SLC24A2: variants seen among roughly 807,000 people sequenced by gnomAD.
SLC24A2 encodes the protein sodium/potassium/calcium exchanger 2.
In SLC24A2, 36 loss-of-function variants were observed where a neutral mutation model predicts 62.0. The observed-to-expected ratio is 0.58, with a 90% CI of 0.44 to 0.77. The LOEUF is 0.77. SLC24A2 is among the 30% of genes least tolerant of loss of function. SLC24A2 has a pLI of 0.00. For synonymous variants in SLC24A2, 358 were observed against 294.0 expected (o/e 1.22, Z -2.23); for missense variants, 846 against 817.9 (o/e 1.03, Z -0.42).
the SLC24A2 span, among the ~76,000 whole-genome samples, chr9:19,802,949 C>A: frequency 6.6e-6 from 1 of 152,046 alleles, no homozygotes; most frequent in Non-Finnish European, 1.5e-5. Context: ...AAAATAAGTC[C>A]TGGGGAGCTT....
At chr9:20,186,866 C>A in the SLC24A2 span, among the ~76,000 whole-genome samples, 2 of 152,172 alleles carry the variant, frequency 1.3e-5, no homozygotes, top group Non-Finnish European at 2.9e-5. Flanking sequence ...TTTCCTTTAG[C>A]AATTACATCC....
intron 2 of SLC24A2, among the ~76,000 whole-genome samples, chr9:19,715,193 A>G (rs1310997748): frequency 2.0e-5 from 3 of 152,214 alleles, no homozygotes; most frequent in Non-Finnish European, 4.4e-5. Context: ...TACCTACAAA[A>G]TACATTTTCA....
At chr9:19,674,611 T>C (rs1207815461) in intron 2 of SLC24A2, among the ~76,000 whole-genome samples, 2 of 152,232 alleles carry the variant, frequency 1.3e-5, no homozygotes, top group Non-Finnish European at 2.9e-5. Context: ...TTTGAAAACC[T>C]TGTCTTTGAG....
chr9:20,164,749 G>A, the SLC24A2 span, among the ~76,000 whole-genome samples: 1 of 151,726 alleles, frequency 6.6e-6, no homozygotes, highest in Admixed American at 6.6e-5. Context: ...GTCCAACAAT[G>A]ATAGACTGGA....
At chr9:20,150,087 A>G in the SLC24A2 span, among the ~76,000 whole-genome samples, 2 of 152,034 alleles carry the variant, frequency 1.3e-5, no homozygotes, top group African/African-American at 4.8e-5. Flanking sequence ...ATGATTTATC[A>G]TATTCCCTTC....
At chr9:19,880,686 G>C in the SLC24A2 span, among the ~76,000 whole-genome samples, 2 of 152,196 alleles carry the variant, frequency 1.3e-5, no homozygotes, top group African/African-American at 4.8e-5. Context: ...GAAAGAAAGA[G>C]AGAAGTCAGG....
At chr9:20,252,797 C>T in the SLC24A2 span, among the ~76,000 whole-genome samples, 1 of 152,206 alleles carries the variant, frequency 6.6e-6, no homozygotes, top group Non-Finnish European at 1.5e-5. Context: ...CTCCAAAAAA[C>T]ATGGGATCCC....
the SLC24A2 span, among the ~76,000 whole-genome samples, chr9:20,268,156 T>C: frequency 6.6e-6 from 1 of 152,174 alleles, no homozygotes; most frequent in Non-Finnish European, 1.5e-5. Context: ...AAGCATGGCT[T>C]AGGATTCACT....
intron 2 of SLC24A2, among the ~76,000 whole-genome samples, chr9:19,691,308 C>T (rs1820040206): frequency 6.6e-6 from 1 of 152,198 alleles, no homozygotes; most frequent in South Asian, 2.1e-4. Flanking sequence ...CCCCCTGAGA[C>T]TCACACTAGT....
chr9:20,082,872 A>G, the SLC24A2 span, among the ~76,000 whole-genome samples: 2 of 152,256 alleles, frequency 1.3e-5, no homozygotes, highest in African/African-American at 4.8e-5. Flanking sequence ...GCACTCCATT[A>G]TCTTCCTTTC....
At chr9:20,235,667 C>A in the SLC24A2 span, among the ~76,000 whole-genome samples, 2 of 152,228 alleles carry the variant, frequency 1.3e-5, no homozygotes, top group Non-Finnish European at 2.9e-5. Context: ...TTCCCTGACC[C>A]CTTGTGCTTC....
the SLC24A2 span, among the ~76,000 whole-genome samples, chr9:20,000,078 C>A: frequency 5.3e-5 from 8 of 151,804 alleles, no homozygotes; most frequent in Admixed American, 5.2e-4. Flanking sequence ...TGTGATCGAT[C>A]TGCAACTAAA....
chr9:20,054,860 T>G, the SLC24A2 span, among the ~76,000 whole-genome samples: 1 of 152,366 alleles, frequency 6.6e-6, no homozygotes, highest in Non-Finnish European at 1.5e-5. Context: ...CCACTCTGAT[T>G]AATGTTGCCT....
chr9:19,971,280 C>A, the SLC24A2 span, among the ~76,000 whole-genome samples: 1 of 152,136 alleles, frequency 6.6e-6, no homozygotes, highest in Non-Finnish European at 1.5e-5. Flanking sequence ...AGCATGCCTT[C>A]CAGATGCATG....
the SLC24A2 span, among the ~76,000 whole-genome samples, chr9:20,258,806 A>C: frequency 7.1e-6 from 1 of 141,304 alleles, no homozygotes; most frequent in African/African-American, 2.6e-5. Flanking sequence ...CTATCTATCT[A>C]TCTATCTACC....
At chr9:19,656,158 C>T (rs1818936009) in intron 2 of SLC24A2, among the ~76,000 whole-genome samples, 1 of 152,152 alleles carries the variant, frequency 6.6e-6, no homozygotes, top group African/African-American at 2.4e-5. Context: ...GGATCATTTC[C>T]ATAGAGAGAG....
At chr9:20,168,775 C>T in the SLC24A2 span, among the ~76,000 whole-genome samples, 1 of 152,004 alleles carries the variant, frequency 6.6e-6, no homozygotes, top group Non-Finnish European at 1.5e-5. Context: ...AATGATGCAG[C>T]CACTGTGGAG....
the SLC24A2 span, among the ~76,000 whole-genome samples, chr9:19,969,865 C>G: frequency 6.6e-6 from 1 of 152,136 alleles, no homozygotes; most frequent in African/African-American, 2.4e-5. Context: ...GGGATGAAGA[C>G]TGGTCCCAAT....
the SLC24A2 span, among the ~76,000 whole-genome samples, chr9:20,202,049 TGGTGTGTGTGTGTGTG>T: frequency 8.3e-6 from 1 of 119,802 alleles, no homozygotes; most frequent in African/African-American, 3.3e-5. Context: ...TCCCATTTCA[TGGTGTGTGTGTGTGTG>T]TGTGTGTGTG....
Sources: allele counts gnomAD v4.1 joint callset (sites outside exome capture counted in the v4.1 genomes callset), GRCh38; gene constraint gnomAD v4.1.1; transcripts MANE v1.5; gene names NCBI Gene and HGNC (gene_info 2026-07-23, HGNC 2026-07-21).